Variants in PML observed in about 807,000 individuals in gnomAD.
PML encodes protein PML.
Under a neutral mutation model 65.2 loss-of-function variants are expected in PML, and 28 were observed. The ratio of observed to expected loss-of-function variants is 0.43; its 90% confidence interval spans 0.32 to 0.59. PML has a LOEUF of 0.59. PML is among the 20% of genes least tolerant of loss of function. PML has a pLI of 0.08. For missense variants in PML, 1,021 were observed against 1,203.4 expected, an observed-to-expected ratio of 0.85 and a Z score of 2.24; for synonymous variants, 500 against 508.8, an observed-to-expected ratio of 0.98 and a Z score of 0.23.
intron 7 of PML, among the ~76,000 whole-genome samples, chr15:74,038,052 C>A (rs970295937): frequency 1.2e-4 from 19 of 152,152 alleles, no homozygotes; most frequent in African/African-American, 4.3e-4. Context: ...CCCAGGGCAC[C>A]CCCCTTTTGA....
intron 2 of PML, among the ~76,000 whole-genome samples, chr15:74,017,862 A>G (rs929235993): frequency 6.6e-6 from 1 of 152,048 alleles, no homozygotes; most frequent in Non-Finnish European, 1.5e-5. Flanking sequence ...GCAGCTGGTC[A>G]TAGTGGCTTA....
In PML at chr15:74,046,919, T is replaced by G. The variant is rs1302021327; in HGVS notation, c.*1911T>G. On this transcript the variant is annotated 3_prime_UTR_variant, in exon 9 of 9. Transcript: ENST00000268058. ...TGTTTTGTGGGGCGTCTTTTAGGAC[T>G]TAGCAGAGCTGAGAGCCCTTTGTTG... 4.3e-6 allele frequency: 1 copy of G among 230,046 alleles called. No homozygotes were observed. The highest frequency in any genetic ancestry group is 8.6e-6 in the Non-Finnish European group (1 of 116,044). 14.3% of individuals were successfully genotyped at this position (230,046 alleles called of 1,614,324 possible).
At chr15:74,036,508 G>T (rs965619788) in intron 7 of PML, 1 of 1,098,872 alleles carries the variant, frequency 9.1e-7, no homozygotes, top group African/African-American at 1.6e-5. Flanking sequence ...GGGATACCAT[G>T]TCCCCTCTTC....
At chr15:74,013,189 ATTAC>A (rs2070409943) in intron 2 of PML, among the ~76,000 whole-genome samples, 1 of 152,160 alleles carries the variant, frequency 6.6e-6, no homozygotes, top group Non-Finnish European at 1.5e-5. Context: ...AATTGCTTAA[ATTAC>A]TTCTCCTCCA....
At chr15:74,023,536 G>A in intron 3 of PML, 128 bp downstream of exon 3, 1 of 810,730 alleles carries the variant, frequency 1.2e-6, no homozygotes, top group Non-Finnish European at 2.0e-6. Context: ...TTGGGGGTTG[G>A]TAAGGTCTTA....
intron 2 of PML, among the ~76,000 whole-genome samples, chr15:74,004,308 T>G (rs2069929969): frequency 6.6e-6 from 1 of 151,960 alleles, no homozygotes; most frequent in Non-Finnish European, 1.5e-5. Context: ...CATTTGTTTA[T>G]TTGTTTGTTT....
At chr15:74,004,458 G>T (rs2069937532) in intron 2 of PML, among the ~76,000 whole-genome samples, 1 of 152,084 alleles carries the variant, frequency 6.6e-6, no homozygotes, top group Non-Finnish European at 1.5e-5. Flanking sequence ...CTGCCACCAT[G>T]CCTGGCTAAT....
chr15:73,999,547 G>A (rs2069662608), intron 2 of PML, among the ~76,000 whole-genome samples: 1 of 152,182 alleles, frequency 6.6e-6, no homozygotes. Flanking sequence ...TAAAGGTTGA[G>A]TGGCTTTCCA....
chr15:74,034,863 G>A, intron 7 of PML: 3 of 1,437,816 alleles, frequency 2.1e-6, no homozygotes, highest in Non-Finnish European at 2.7e-6. Context: ...AGGAGGGCTG[G>A]ACAAGAATCC....
chr15:73,995,457 C>T (rs2069436268), intron 1 of PML, among the ~76,000 whole-genome samples: 1 of 152,206 alleles, frequency 6.6e-6, no homozygotes, highest in East Asian at 1.9e-4. Flanking sequence ...TTAAGGAAGC[C>T]TCCCCAACGA....
At chr15:74,008,587 A>T (rs1359667878) in intron 2 of PML, among the ~76,000 whole-genome samples, 2 of 151,194 alleles carry the variant, frequency 1.3e-5, no homozygotes, top group Non-Finnish European at 2.9e-5. Context: ...AAATACAAAA[A>T]AATTAGCCGG....
At position 74,042,648 on chromosome 15, in the gene PML, C is replaced by A; in HGVS notation, c.1711-341C>A. On this transcript the variant is annotated intron_variant, in intron 7 of 8. Transcript: ENST00000268058. This position sits in a 1 kb window ranked among gnomAD's most constrained non-coding sequence, Gnocchi z 5.3. The stretch of plus-strand genomic sequence containing the variant: ...TCACACTTTCATACACTTGTGTCAA[C>A]GCAGGTTCACAGCTCACACTTAACT... 3 of 985,430 alleles carry A rather than the reference C, an allele frequency of 3.0e-6. No homozygotes were observed. Among genetic ancestry groups the A allele is most frequent in the Non-Finnish European group, 3.6e-6 (3 of 829,932 alleles). 61.0% of individuals were successfully genotyped at this position (985,430 alleles called of 1,614,324 possible).
chr15:74,002,287 T>TAC (rs2069798193), intron 2 of PML, among the ~76,000 whole-genome samples: 1 of 151,850 alleles, frequency 6.6e-6, no homozygotes. Flanking sequence ...GTATTTGTTG[T>TAC]ACACACATAT....
At chr15:74,006,390 CAAAAAAAAAAAAA>C (rs372202858) in intron 2 of PML, among the ~76,000 whole-genome samples, 2 of 87,554 alleles carry the variant, frequency 2.3e-5, no homozygotes, top group African/African-American at 4.7e-5. Context: ...GACTCCGTCT[CAAAAAAAAAAAAA>C]AAAAAAAGAA....
chr15:74,011,442 G>GA (rs569088337), intron 2 of PML, among the ~76,000 whole-genome samples: 84 of 152,096 alleles, frequency 5.5e-4, no homozygotes, highest in Non-Finnish European at 1.0e-3. Flanking sequence ...ATACATCTTA[G>GA]AAAAAATGTC....
Position 74,037,605 on chromosome 15 carries a change from C to T in PML, c.1710+3075C>T. On this transcript the variant is annotated intron_variant, in intron 7 of 8. Transcript: ENST00000268058. The surrounding 1 kb of genome is among the most constrained non-coding windows in gnomAD (Gnocchi z 4.2). ...TTCTTCACCCCACCTCCTGCGCTTC[C>T]CCGCCAGTACCAGGGTGGCCTCTGT... The T allele has an allele frequency of 1.0e-6, 1 of 985,418 alleles. No individual in the cohort carries two copies. The highest frequency in any genetic ancestry group is 1.2e-6 in the Non-Finnish European group (1 of 829,926). The allele number at this position is 985,418 out of a possible 1,614,324, so 61.0% of individuals were successfully genotyped here.
chr15:74,004,217 C>T (rs1036805432), intron 2 of PML, among the ~76,000 whole-genome samples: 3 of 152,162 alleles, frequency 2.0e-5, no homozygotes, highest in Admixed American at 1.3e-4. Flanking sequence ...TCAAGCAATC[C>T]TCCCACCTTG....
At chr15:74,009,022 G>C (rs925189874) in intron 2 of PML, among the ~76,000 whole-genome samples, 1 of 152,186 alleles carries the variant, frequency 6.6e-6, no homozygotes, top group Admixed American at 6.5e-5. Context: ...AGGTCCAGGT[G>C]GGGGTGAGGC....
chr15:74,036,429 C>A lies in PML; in HGVS notation c.1710+1899C>A, dbSNP rs899758156. On this transcript the variant is annotated intron_variant, in intron 7 of 8. Coordinates refer to ENST00000268058, the MANE Select transcript of PML (RefSeq NM_033238.3). ...ACCCTTATTCCACGACCATCGCGTT[C>A]TCCGATGGATCCAGCTCCTCCCTGC... 6 of 1,287,992 alleles carry A rather than the reference C, an allele frequency of 4.7e-6. No homozygotes were observed. In the African/African-American group the frequency reaches 7.4e-5, roughly 16 times the overall value. 79.8% of individuals were successfully genotyped at this position (1,287,992 alleles called of 1,614,324 possible). A position where few individuals can be genotyped will look rare whatever the true frequency, so the allele number is the denominator to read the frequency against.
Sources: gnomAD v4.1 joint callset for allele counts (sites outside exome capture counted in the v4.1 genomes callset) on GRCh38, gnomAD v4.1.1 for gene constraint, Gnocchi (gnomAD v3.1) non-coding constraint, MANE v1.5 for transcripts, NCBI Gene and HGNC (gene_info 2026-07-23, HGNC 2026-07-21) for gene names.